Variants in VAPB observed in about 807,000 individuals in gnomAD.
VAPB encodes vesicle-associated membrane protein-associated protein B/C.
VAPB carries 7 observed loss-of-function variants against 25.6 expected under a neutral mutation model. The observed-to-expected ratio is 0.27, with a 90% CI of 0.16 to 0.51. VAPB has a LOEUF of 0.51. VAPB is among the 20% of genes least tolerant of loss of function. VAPB has a pLI of 0.97. For synonymous variants in VAPB, 112 were observed against 109.2 expected, an observed-to-expected ratio of 1.03 and a Z score of -0.16; for missense variants, 266 against 301.3, an observed-to-expected ratio of 0.88 and a Z score of 0.87.
chr20:58,423,445 AAAAAG>A (rs1267229423), intron 2 of VAPB, among the ~76,000 whole-genome samples: 35 of 143,884 alleles, frequency 2.4e-4, no homozygotes, highest in South Asian at 4.4e-4. Flanking sequence ...AAAAAAAAAA[AAAAAG>A]AAAAGAAAAA....
At chr20:58,430,678 C>T (rs753836031) in intron 2 of VAPB, among the ~76,000 whole-genome samples, 126 of 151,578 alleles carry the variant, frequency 8.3e-4, no homozygotes, top group Non-Finnish European at 3.5e-4. Flanking sequence ...CAGGTTTAAG[C>T]GATTCTCCTG....
At position 58,427,407 on chromosome 20, in the gene VAPB, A is replaced by G. The variant is rs376716184; in HGVS notation, c.212-7195A>G. Among the ~76,000 whole-genome samples the G allele has an allele frequency of 8.4e-4, 58 of 69,032 alleles. 1 individual carries two copies. In the East Asian group the frequency reaches 0.035, roughly 42 times the overall value. The allele number at this position is 69,032 out of a possible 152,430, so 45.3% of individuals were successfully genotyped here. A position where few individuals can be genotyped will look rare whatever the true frequency, so the allele number is the denominator to read the frequency against. ...TCTGTTACCATTATGATGCAGGTCC[A>G]TGATCTGTTACCATTATGATGCAGA... On this transcript the variant is annotated intron_variant, in intron 2 of 5. Coordinates refer to ENST00000475243, the MANE Select transcript of VAPB (RefSeq NM_004738.5).
intron 1 of VAPB, among the ~76,000 whole-genome samples, chr20:58,405,531 C>T (rs527780400): frequency 3.3e-5 from 5 of 151,998 alleles, no homozygotes; most frequent in Admixed American, 1.3e-4. Context: ...GGCGCGATCT[C>T]GGTTCACTGC....
chr20:58,425,557 A>T (rs567850021), intron 2 of VAPB, among the ~76,000 whole-genome samples: 2 of 152,356 alleles, frequency 1.3e-5, no homozygotes, highest in African/African-American at 4.8e-5. Flanking sequence ...TGTCAGAAGG[A>T]GCTTAGGAGT....
chr20:58,420,207 A>G (rs1988640027), intron 2 of VAPB, among the ~76,000 whole-genome samples: 1 of 151,824 alleles, frequency 6.6e-6, no homozygotes, highest in Non-Finnish European at 1.5e-5. Flanking sequence ...CTGGTCTCAA[A>G]CTCCTGACCT....
At chr20:58,432,002 C>T (rs568918119) in intron 2 of VAPB, among the ~76,000 whole-genome samples, 1 of 152,170 alleles carries the variant, frequency 6.6e-6, no homozygotes, top group African/African-American at 2.4e-5. Context: ...CCTTTCTTTC[C>T]TTCTTGGGCC....
chr20:58,443,472 G>A (rs1166830442), intron 5 of VAPB, among the ~76,000 whole-genome samples: 1 of 147,066 alleles, frequency 6.8e-6, no homozygotes, highest in East Asian at 2.0e-4. Context: ...TTTTAGTAGA[G>A]ACGAGGTTTT....
intron 2 of VAPB, among the ~76,000 whole-genome samples, chr20:58,424,954 T>G (rs1437626126): frequency 6.6e-6 from 1 of 152,234 alleles, no homozygotes; most frequent in Non-Finnish European, 1.5e-5. Flanking sequence ...TAGGCAGAGG[T>G]CCACCAAGGT....
At position 58,408,363 on chromosome 20, in the gene VAPB, A is replaced by G. The variant is rs372728293; in HGVS notation, c.59-9848A>G. Among the ~76,000 whole-genome samples the G allele has an allele frequency of 7.9e-5, 12 of 152,372 alleles. 3 individuals carry two copies. Among genetic ancestry groups the G allele is most frequent in the African/African-American group, 2.4e-5 (1 of 41,580 alleles). ...GTTGTTTTTATGTGGTTATTTCAAA[A>G]TAAGAGCTATACAATCAGGCTTTCT... On this transcript the variant is annotated intron_variant, in intron 1 of 5. Coordinates refer to ENST00000475243, the MANE Select transcript of VAPB (RefSeq NM_004738.5).
chr20:58,425,744 T>C (rs1424963917), intron 2 of VAPB, among the ~76,000 whole-genome samples: 1 of 152,026 alleles, frequency 6.6e-6, no homozygotes. Flanking sequence ...GAAATTGGAG[T>C]GCTCATTCTC....
At chr20:58,430,748 G>T (rs1163475601) in intron 2 of VAPB, among the ~76,000 whole-genome samples, 1 of 151,566 alleles carries the variant, frequency 6.6e-6, no homozygotes, top group Non-Finnish European at 1.5e-5. Flanking sequence ...GATAATTTTT[G>T]TATTTTTAGT....
intron 2 of VAPB, among the ~76,000 whole-genome samples, chr20:58,428,623 GA>G (rs1279182362): frequency 6.6e-6 from 1 of 151,940 alleles, no homozygotes; most frequent in Admixed American, 6.6e-5. Flanking sequence ...CCCATCTCTT[GA>G]AAAAAAGTGA....
At position 58,444,974 on chromosome 20, in the gene VAPB, T is replaced by G. The variant is rs1434557711; in HGVS notation, c.*739T>G. 1 of 454,694 alleles carries G rather than the reference T, an allele frequency of 2.2e-6. No individual in the cohort carries two copies. The highest frequency in any genetic ancestry group is 4.4e-6 in the Non-Finnish European group (1 of 226,800). The allele number at this position is 454,694 out of a possible 1,614,324, so 28.2% of individuals were successfully genotyped here. On this transcript the variant is annotated 3_prime_UTR_variant, in exon 6 of 6. Coordinates refer to ENST00000475243, the MANE Select transcript of VAPB (RefSeq NM_004738.5). Reference sequence around the variant, plus strand: ...CTTATTTAATGTATTTCATCTCATGTTTTCTTATTGTCACAAGAGTACAGT... The same window carrying G: ...CTTATTTAATGTATTTCATCTCATGGTTTCTTATTGTCACAAGAGTACAGT...
At chr20:58,416,233 C>G (rs1285226567) in intron 1 of VAPB, among the ~76,000 whole-genome samples, 4 of 152,198 alleles carry the variant, frequency 2.6e-5, no homozygotes, top group Admixed American at 2.6e-4. Flanking sequence ...TAAGTTGAAG[C>G]ACCATTAAGA....
intron 1 of VAPB, among the ~76,000 whole-genome samples, chr20:58,402,245 C>A (rs1426274656): frequency 6.6e-6 from 1 of 152,192 alleles, no homozygotes; most frequent in Non-Finnish European, 1.5e-5. Context: ...TGTGTTTCAG[C>A]CTTTTAGTTC....
At position 58,447,120 on chromosome 20, in the gene VAPB, G is replaced by C. The variant is rs578172184; in HGVS notation, c.*2885G>C. On this transcript the variant is annotated 3_prime_UTR_variant, in exon 6 of 6. Transcript: ENST00000475243. ...TGGTTACTGGCTCCACAGCACCTCA[G>C]AGAGGGCGGCCCTGGCTTCAGAAAT... 5.7e-4 allele frequency: 258 copies of C among 454,112 alleles called. 4 individuals carry two copies. The highest frequency in any genetic ancestry group is 3.5e-3 in the South Asian group (224 of 64,478). The allele number at this position is 454,112 out of a possible 1,614,324, so 28.1% of individuals were successfully genotyped here.
intron 5 of VAPB, among the ~76,000 whole-genome samples, chr20:58,442,914 G>A (rs904993158): frequency 6.6e-6 from 1 of 152,234 alleles, no homozygotes; most frequent in Non-Finnish European, 1.5e-5. Flanking sequence ...CAGCTGGTGT[G>A]TGGGGTTTAA....
rs1989273886 is a variant in VAPB at position 58,445,719 on chromosome 20, TG to T, written c.*1485del. 1 of 441,190 alleles carries T rather than the reference TG, an allele frequency of 2.3e-6. No homozygotes were observed. The highest frequency in any genetic ancestry group is 2.1e-5 in the African/African-American group (1 of 46,594). 27.3% of individuals were successfully genotyped at this position (441,190 alleles called of 1,614,324 possible). ...GTGTGTGTGTGTGTGTGTGTGTGTG[TG>T]TATTTTTTTTTTGGTTGTCTTCAGC... On this transcript the variant is annotated 3_prime_UTR_variant, in exon 6 of 6. Coordinates refer to ENST00000475243, the MANE Select transcript of VAPB (RefSeq NM_004738.5).
At chr20:58,426,919 T>C (rs904301757) in intron 2 of VAPB, among the ~76,000 whole-genome samples, 3 of 152,374 alleles carry the variant, frequency 2.0e-5, no homozygotes, top group Middle Eastern at 3.4e-3. Flanking sequence ...CTTGTTAGAC[T>C]TTATTTGCTC....
Sources: gnomAD v4.1 joint callset for allele counts (sites outside exome capture counted in the v4.1 genomes callset) on GRCh38, gnomAD v4.1.1 for gene constraint, MANE v1.5 for transcripts, NCBI Gene and HGNC (gene_info 2026-07-23, HGNC 2026-07-21) for gene names.